Variants in IFT88 observed in about 807,000 individuals in gnomAD.
IFT88 encodes the protein intraflagellar transport 88, also known as intraflagellar transport protein 88 homolog.
In IFT88, 74 loss-of-function variants were observed where a neutral mutation model predicts 119.5. That is an observed-to-expected ratio of 0.62 (90% confidence interval 0.51 to 0.75). The LOEUF (loss-of-function observed/expected upper bound fraction) is 0.75, where lower values mean the gene tolerates loss of function less well. IFT88 is among the 30% of genes least tolerant of loss of function. The pLI is 0.00. For missense variants in IFT88, 961 were observed against 977.7 expected, an observed-to-expected ratio of 0.98 and a Z score of 0.23; for synonymous variants, 279 against 316.7, an observed-to-expected ratio of 0.88 and a Z score of 1.26.
chr13:20,637,960 G>A (rs916898389), intron 16 of IFT88, among the ~76,000 whole-genome samples: 7 of 152,200 alleles, frequency 4.6e-5, no homozygotes, highest in Non-Finnish European at 8.8e-5. Flanking sequence ...AGTAGGTGAC[G>A]CAGCCAGTGT....
chr13:20,637,505 G>C (rs773694349), intron 16 of IFT88, among the ~76,000 whole-genome samples: 8 of 152,200 alleles, frequency 5.3e-5, no homozygotes, highest in Non-Finnish European at 1.2e-4. Flanking sequence ...GGGGAGTTCT[G>C]TGGGAAGCAG....
intron 1 of IFT88, among the ~76,000 whole-genome samples, chr13:20,571,964 A>T (rs1299040960): frequency 6.6e-6 from 1 of 152,118 alleles, no homozygotes; most frequent in Non-Finnish European, 1.5e-5. Flanking sequence ...ACTCTGTTTT[A>T]GTTGGGTATG....
rs1212169930 is a variant in IFT88 at position 20,595,396 on chromosome 13, TCTC to T, written c.399-751_399-749del. ...TCTGTCTCCCAGGTTCAAGCAATAT[TCTC>T]CTGCCTCAGCCTCCCAAGTAGCTGG... On this transcript the variant is annotated intron_variant, in intron 7 of 25. Transcript: ENST00000351808. Among the ~76,000 whole-genome samples, 14 of 152,172 alleles carry T rather than the reference TCTC, an allele frequency of 9.2e-5. No homozygotes were observed. The East Asian group carries it at 2.7e-3, about 29-fold the overall frequency.
intron 24 of IFT88, among the ~76,000 whole-genome samples, chr13:20,682,310 T>G (rs995222499): frequency 6.6e-6 from 1 of 152,224 alleles, no homozygotes; most frequent in Non-Finnish European, 1.5e-5. Context: ...TCTAAAGTCT[T>G]TGTTGGATCT....
At chr13:20,647,109 C>G (rs2050875145) in intron 20 of IFT88, among the ~76,000 whole-genome samples, 1 of 152,142 alleles carries the variant, frequency 6.6e-6, no homozygotes, top group Non-Finnish European at 1.5e-5. Flanking sequence ...CTCGGTTTCC[C>G]AGAATATAGA....
At chr13:20,608,141 C>T in intron 13 of IFT88, 1 of 442,878 alleles carries the variant, frequency 2.3e-6, no homozygotes, top group Admixed American at 2.8e-5. Flanking sequence ...TAGTTTGAAC[C>T]ACTATGACTT....
intron 1 of IFT88, among the ~76,000 whole-genome samples, chr13:20,571,018 G>T (rs1183364504): frequency 1.3e-5 from 2 of 151,978 alleles, no homozygotes; most frequent in Non-Finnish European, 2.9e-5. Context: ...TTTTGAGACA[G>T]AGTCTGGCTC....
chr13:20,670,493 T>C (rs2055605125), intron 23 of IFT88, among the ~76,000 whole-genome samples: 1 of 151,848 alleles, frequency 6.6e-6, no homozygotes, highest in Admixed American at 6.6e-5. Flanking sequence ...TACTTTTATT[T>C]TATAAATTGA....
chr13:20,668,157 C>CA (rs2055070230), intron 23 of IFT88, among the ~76,000 whole-genome samples: 2 of 152,226 alleles, frequency 1.3e-5, no homozygotes, highest in South Asian at 4.1e-4. Flanking sequence ...GCTGCTGGGC[C>CA]AGCCCTGGAA....
At chr13:20,631,559 A>G (rs995019757) in intron 16 of IFT88, 4 of 154,312 alleles carry the variant, frequency 2.6e-5, no homozygotes, top group African/African-American at 4.8e-5. Flanking sequence ...TGTCTTTGGA[A>G]CAAAGGAGGT....
chr13:20,583,279 G>A (rs1428979449), intron 3 of IFT88, among the ~76,000 whole-genome samples: 1 of 152,054 alleles, frequency 6.6e-6, no homozygotes, highest in Non-Finnish European at 1.5e-5. Flanking sequence ...CTATGAATTT[G>A]ACTAATTTAG....
chr13:20,688,085 C>G (rs1027948731), intron 24 of IFT88, among the ~76,000 whole-genome samples: 1 of 152,208 alleles, frequency 6.6e-6, no homozygotes, highest in Non-Finnish European at 1.5e-5. Flanking sequence ...CCTGTAATCC[C>G]AGCACTTTGG....
chr13:20,638,730 T>C (rs1473124202), intron 17 of IFT88, among the ~76,000 whole-genome samples: 1 of 152,226 alleles, frequency 6.6e-6, no homozygotes, highest in Admixed American at 6.5e-5. Flanking sequence ...TGGATCAGGC[T>C]TGCCATACTG....
In IFT88 at chr13:20,665,359, G is replaced by A. The variant is rs2054517618; in HGVS notation, c.2175+1755G>A. On this transcript the variant is annotated intron_variant, in intron 23 of 25. Transcript: ENST00000351808. ...TTACCAAAATGCAATGAAAATAAATGTATAGTCAAGTTGAGCAGAAACCCT... is the reference window on the plus strand; with the variant it reads ...TTACCAAAATGCAATGAAAATAAATATATAGTCAAGTTGAGCAGAAACCCT... Among the ~76,000 whole-genome samples the A allele has an allele frequency of 2.0e-5, 3 of 152,116 alleles. No individual in the cohort carries two copies. The South Asian group carries it at 6.2e-4, about 32-fold the overall frequency.
At chr13:20,631,623 G>T (rs1191838363) in intron 16 of IFT88, 4 of 152,420 alleles carry the variant, frequency 2.6e-5, no homozygotes, top group African/African-American at 4.8e-5. Flanking sequence ...CAGATAATAA[G>T]TGCTTCAGAA....
rs183046078 is a variant in IFT88, at chr13:20,584,864, C to G, written c.153+1845C>G. On this transcript the variant is annotated intron_variant, in intron 3 of 25. Transcript: ENST00000351808. ...CCCCCACCAGGGACATTGAGCAATG[C>G]TTGGAGAGATATTTTCAGTTGTCAC... is the stretch of plus-strand genomic sequence containing the variant. Among the ~76,000 whole-genome samples the G allele has an allele frequency of 5.4e-4, 82 of 152,278 alleles. 2 individuals carry two copies. Among genetic ancestry groups the G allele is most frequent in the Admixed American group, 5.2e-3 (80 of 15,296 alleles).
At chr13:20,593,204 T>C (rs2041014393) in intron 7 of IFT88, among the ~76,000 whole-genome samples, 1 of 152,244 alleles carries the variant, frequency 6.6e-6, no homozygotes, top group South Asian at 2.1e-4. Flanking sequence ...CATTTAATTA[T>C]ATACATCTGC....
At chr13:20,633,842 G>A (rs777994667) in intron 16 of IFT88, among the ~76,000 whole-genome samples, 10 of 152,156 alleles carry the variant, frequency 6.6e-5, no homozygotes, top group Non-Finnish European at 1.3e-4. Flanking sequence ...GCATATAGTT[G>A]TATCTGTTTT....
At chr13:20,607,887 C>T in intron 13 of IFT88, 1 of 705,152 alleles carries the variant, frequency 1.4e-6, no homozygotes, top group Non-Finnish European at 2.7e-6. Context: ...GCACCAATGT[C>T]CTGGGCATAA....
Sources: allele counts gnomAD v4.1 joint callset (sites outside exome capture counted in the v4.1 genomes callset), GRCh38; gene constraint gnomAD v4.1.1; transcripts MANE v1.5; gene names NCBI Gene and HGNC (gene_info 2026-07-23, HGNC 2026-07-21).